GRM5: variants seen among roughly 807,000 people sequenced by gnomAD.
The protein encoded by GRM5 is glutamate metabotropic receptor 5, also known as metabotropic glutamate receptor 5.
A neutral mutation model predicts 83.1 loss-of-function variants in GRM5; 19 were observed. The ratio of observed to expected loss-of-function variants is 0.23; its 90% confidence interval spans 0.16 to 0.34. The LOEUF is 0.34. Among genes scored for constraint, GRM5 ranks in the 10% least tolerant of loss-of-function variants. The probability of loss-of-function intolerance (pLI) is 1.00; values close to 1 mark genes in which losing one functional copy is unlikely to be tolerated. For synonymous variants in GRM5, 675 were observed against 633.6 expected (o/e 1.07, Z -0.98); for missense variants, 1,160 against 1,588.3 (o/e 0.73, Z 4.58).
At chr11:88,879,186 T>C (rs1232352163) in intron 2 of GRM5, among the ~76,000 whole-genome samples, 1 of 152,052 alleles carries the variant, frequency 6.6e-6, no homozygotes, top group Non-Finnish European at 1.5e-5. Flanking sequence ...TAAATATAAA[T>C]GTAATAAAAG....
chr11:89,034,304 G>C (rs931702299), intron 2 of GRM5, among the ~76,000 whole-genome samples: 1 of 151,728 alleles, frequency 6.6e-6, no homozygotes, highest in Non-Finnish European at 1.5e-5. Flanking sequence ...TAAACAAAAA[G>C]GAATTACTTA....
intron 3 of GRM5, among the ~76,000 whole-genome samples, chr11:88,767,979 G>A (rs770218367): frequency 7.2e-5 from 11 of 151,878 alleles, no homozygotes; most frequent in African/African-American, 9.7e-5. Context: ...TGGAACCCTC[G>A]TATGCTGTTT....
chr11:88,720,674 A>AAAAGTT (rs1941511885), intron 3 of GRM5, among the ~76,000 whole-genome samples: 1 of 152,096 alleles, frequency 6.6e-6, no homozygotes, highest in Non-Finnish European at 1.5e-5. Flanking sequence ...ACATTTTAGA[A>AAAAGTT]AAAGTTAAAA....
chr11:89,061,777 A>G (rs1185372992), intron 1 of GRM5, among the ~76,000 whole-genome samples: 1 of 152,200 alleles, frequency 6.6e-6, no homozygotes, highest in African/African-American at 2.4e-5. Context: ...CCTCTCCCAA[A>G]TCATCTCGAC....
At chr11:88,750,852 C>G (rs2135426862) in intron 3 of GRM5, among the ~76,000 whole-genome samples, 1 of 151,950 alleles carries the variant, frequency 6.6e-6, no homozygotes, top group South Asian at 2.1e-4. Flanking sequence ...TTAAGGCAGA[C>G]ATCAAAAAGT....
At chr11:88,655,744 A>G (rs1939751830) in intron 3 of GRM5, among the ~76,000 whole-genome samples, 2 of 150,060 alleles carry the variant, frequency 1.3e-5, no homozygotes, top group African/African-American at 4.9e-5. Flanking sequence ...TTTTATTATT[A>G]GCCTTATAAG....
chr11:88,806,429 A>G (rs927025745), intron 3 of GRM5, among the ~76,000 whole-genome samples: 15 of 152,352 alleles, frequency 9.8e-5, no homozygotes, highest in Middle Eastern at 3.4e-3. Context: ...ATTCATTTTA[A>G]TTATTCCATT....
chr11:88,666,650 T>A (rs1940053018), intron 3 of GRM5, among the ~76,000 whole-genome samples: 1 of 152,224 alleles, frequency 6.6e-6, no homozygotes, highest in Non-Finnish European at 1.5e-5. Flanking sequence ...TGAGTTTTTA[T>A]TTGGGATCAT....
At chr11:88,527,975 A>T (rs1941919357) in intron 8 of GRM5, among the ~76,000 whole-genome samples, 3 of 152,000 alleles carry the variant, frequency 2.0e-5, no homozygotes, top group Admixed American at 1.3e-4. Flanking sequence ...AAAACTACCT[A>T]CCAGATTCTA....
At chr11:88,598,955 A>G (rs1035825200) in intron 5 of GRM5, among the ~76,000 whole-genome samples, 14 of 152,232 alleles carry the variant, frequency 9.2e-5, no homozygotes, top group Admixed American at 5.9e-4. Flanking sequence ...GTTAATTAGT[A>G]CAGATTACAG....
intron 4 of GRM5, among the ~76,000 whole-genome samples, chr11:88,652,425 C>T (rs1018297393): frequency 3.9e-5 from 6 of 152,012 alleles, no homozygotes; most frequent in African/African-American, 1.4e-4. Flanking sequence ...GGACATGTTA[C>T]AAATAATATT....
rs1043679882 is a variant in GRM5, at chr11:89,060,169, C to A, written c.-201+5607G>T. On this transcript the variant is annotated intron_variant, in intron 1 of 9. Transcript: ENST00000305447. ...AAAGCAGCTCAAAACAAAGGAAACA[C>A]GGTAAATTTTAGTGCCAAACAAATC... Among the ~76,000 whole-genome samples the A allele has an allele frequency of 4.6e-5, 7 of 151,876 alleles. No homozygotes were observed. In the South Asian group the frequency reaches 8.3e-4, roughly 18 times the overall value.
chr11:88,559,827 A>G (rs1942713802), intron 8 of GRM5, among the ~76,000 whole-genome samples: 1 of 152,180 alleles, frequency 6.6e-6, no homozygotes, highest in Non-Finnish European at 1.5e-5. Context: ...GGTGCAAAAG[A>G]GTCTTTCAAT....
At chr11:88,913,728 C>T (rs2135615307) in intron 2 of GRM5, among the ~76,000 whole-genome samples, 1 of 151,800 alleles carries the variant, frequency 6.6e-6, no homozygotes, top group Admixed American at 6.6e-5. Context: ...ATGAGATTAC[C>T]AGCATGTGCT....
At chr11:88,785,104 A>G (rs1565229595) in intron 3 of GRM5, among the ~76,000 whole-genome samples, 1 of 152,030 alleles carries the variant, frequency 6.6e-6, no homozygotes, top group Non-Finnish European at 1.5e-5. Flanking sequence ...AAGTATTCCA[A>G]ATGTATTCTG....
intron 3 of GRM5, among the ~76,000 whole-genome samples, chr11:88,847,020 T>C (rs187448905): frequency 7.1e-4 from 108 of 152,316 alleles, no homozygotes; most frequent in Middle Eastern, 3.4e-3. Flanking sequence ...TTATAAGTTA[T>C]GGTAGTTGGG....
At chr11:88,800,091 A>AAAAT (rs767999073) in intron 3 of GRM5, among the ~76,000 whole-genome samples, 11 of 152,280 alleles carry the variant, frequency 7.2e-5, no homozygotes, top group Admixed American at 3.9e-4. Context: ...AGAAAAGTAA[A>AAAAT]AAATAAATAA....
intron 2 of GRM5, among the ~76,000 whole-genome samples, chr11:88,876,653 T>C (rs528909622): frequency 6.6e-6 from 1 of 152,204 alleles, no homozygotes; most frequent in South Asian, 2.1e-4. Context: ...CAGTTGAAAA[T>C]TTAGAGGCCA....
intron 2 of GRM5, among the ~76,000 whole-genome samples, chr11:89,020,808 A>G (rs970903607): frequency 5.3e-5 from 8 of 152,258 alleles, no homozygotes; most frequent in African/African-American, 1.9e-4. Context: ...TTAGGGCTGT[A>G]TTAATCATTA....
Sources: gnomAD v4.1 joint callset for allele counts (sites outside exome capture counted in the v4.1 genomes callset) on GRCh38, gnomAD v4.1.1 for gene constraint, MANE v1.5 for transcripts, NCBI Gene and HGNC (gene_info 2026-07-23, HGNC 2026-07-21) for gene names.